Variants in EPS8L2 observed in about 807,000 individuals in gnomAD.
EPS8L2 encodes EPS8 signaling adaptor L2.
Under a neutral mutation model 99.4 loss-of-function variants are expected in EPS8L2, and 81 were observed. The observed-to-expected ratio is 0.82, with a 90% CI of 0.68 to 0.98. The LOEUF (loss-of-function observed/expected upper bound fraction) is 0.98, where lower values mean the gene tolerates loss of function less well. Ranked by LOEUF, EPS8L2 falls within the 50% of genes least tolerant of loss-of-function variation. The pLI, the probability that EPS8L2 is intolerant of heterozygous loss-of-function variation, is 0.00. For synonymous variants in EPS8L2, 509 were observed against 407.3 expected, an observed-to-expected ratio of 1.25 and a Z score of -3.01; for missense variants, 1,155 against 968.8, an observed-to-expected ratio of 1.19 and a Z score of -2.55.
intron 4 of EPS8L2, 21 bp from the exon 5 acceptor site, chr11:720,041 T>G: frequency 6.2e-7 from 1 of 1,604,174 alleles, no homozygotes; most frequent in Non-Finnish European, 8.5e-7. Flanking sequence ...TGCCCAGCAG[T>G]GACCACCTGC....
At position 722,500 on chromosome 11, in the gene EPS8L2, AAGG is replaced by A; in HGVS notation, c.1162_1164del (p.Glu388del). ...CTTCCTGCGCGGCCACCTGGTCCCT[AAGG>A]AGATGTCGCTGTGGGAGTCACTGGG... On this transcript the variant is annotated inframe_deletion, in exon 13 of 21. Transcript: ENST00000318562. The A allele has an allele frequency of 6.2e-7, 1 of 1,613,176 alleles. No homozygotes were observed. Among genetic ancestry groups the A allele is most frequent in the Non-Finnish European group, 8.5e-7 (1 of 1,179,824 alleles).
In EPS8L2 at chr11:726,502, A is replaced by G. The variant is rs1360982638; in HGVS notation, c.1934+18A>G. The G allele has an allele frequency of 1.3e-6, 2 of 1,507,216 alleles. No homozygotes were observed. Among genetic ancestry groups the G allele is most frequent in the East Asian group, 2.6e-5 (1 of 38,608 alleles). The allele number at this position is 1,507,216 out of a possible 1,614,324, so 93.4% of individuals were successfully genotyped here. On this transcript the variant is annotated intron_variant, in intron 19 of 20. Transcript: ENST00000318562. ...AGCCCGCGGTGAGCGGGGGCGGGGGATGAGCTGGGGCCCGGGCGAGGGGTG... is the reference window on the plus strand; with the variant it reads ...AGCCCGCGGTGAGCGGGGGCGGGGGGTGAGCTGGGGCCCGGGCGAGGGGTG...
intron 4 of EPS8L2, among the ~76,000 whole-genome samples, chr11:711,450 A>T (rs1447298337): frequency 1.3e-5 from 2 of 151,724 alleles, no homozygotes; most frequent in African/African-American, 4.8e-5. Context: ...GACTCAAGTG[A>T]TCCCCTCACC....
intron 9 of EPS8L2, 39 bp downstream of exon 9, chr11:721,391 C>G: frequency 6.5e-7 from 1 of 1,535,224 alleles, no homozygotes; most frequent in Non-Finnish European, 8.8e-7. Context: ...CTCTCTTCCC[C>G]GCCCCCAGCA....
chr11:708,060 C>T (rs1043961635), intron 1 of EPS8L2, among the ~76,000 whole-genome samples: 1 of 152,194 alleles, frequency 6.6e-6, no homozygotes. Flanking sequence ...CTAGGCCAGA[C>T]CTGGTCAAAC....
At chr11:710,526 C>A in intron 4 of EPS8L2, 40 bp downstream of exon 4, 1 of 1,560,128 alleles carries the variant, frequency 6.4e-7, no homozygotes, top group Non-Finnish European at 8.8e-7. Flanking sequence ...CCCCAGGGAG[C>A]ACCCTCAGGA....
chr11:712,870 G>C (rs1019623850), intron 4 of EPS8L2, among the ~76,000 whole-genome samples: 3 of 152,244 alleles, frequency 2.0e-5, no homozygotes, highest in Admixed American at 2.0e-4. Flanking sequence ...AAGGCACAGA[G>C]CAGTGGCCGA....
intron 4 of EPS8L2, 55 bp from the exon 5 acceptor site, chr11:720,007 G>T: frequency 6.5e-7 from 1 of 1,541,878 alleles, no homozygotes. Context: ...CCTGGGGGCT[G>T]GGCTTTCGAC....
chr11:706,878 GCCA>G (rs780223849), intron 1 of EPS8L2: 4 of 152,912 alleles, frequency 2.6e-5, no homozygotes, highest in Non-Finnish European at 5.8e-5. Flanking sequence ...CAGAGGCCCT[GCCA>G]GGAGAGGCAG....
At position 721,975 on chromosome 11, in the gene EPS8L2, T is replaced by C. The variant is rs775129163; in HGVS notation, c.968T>C (p.Leu323Pro). Residue 323 changes from leucine (L) to proline (P), a missense_variant, in exon 11 of 21, where the codon CTG (leucine) becomes CCG (proline). Physicochemically the swap from Leu to Pro is moderately conservative, Grantham distance 98 (BLOSUM62 -3). Transcript: ENST00000318562. ...EFIDCFQKIK[L>P]AINLLAKLQK... ...ATCGACTGCTTCCAGAAAATCAAGC[T>C]GGCGATTAACTTGCTGGTGGGTCCG... 1 of 1,605,576 alleles carries C rather than the reference T, an allele frequency of 6.2e-7. No individual in the cohort carries two copies. Among genetic ancestry groups the C allele is most frequent in the South Asian group, 1.1e-5 (1 of 90,054 alleles).
chr11:718,952 G>A (rs1862084918), intron 4 of EPS8L2, among the ~76,000 whole-genome samples: 1 of 148,984 alleles, frequency 6.7e-6, no homozygotes, highest in African/African-American at 2.5e-5. Flanking sequence ...ACAGGCATGA[G>A]CCACTGCGCC....
chr11:717,061 C>G (rs900498960), intron 4 of EPS8L2, among the ~76,000 whole-genome samples: 1 of 152,234 alleles, frequency 6.6e-6, no homozygotes, highest in African/African-American at 2.4e-5. Context: ...ACTGCAATCT[C>G]TACCTTCCGG....
rs369399018 is a variant in EPS8L2 at position 725,243 on chromosome 11, C to T, written c.1560+414C>T. Among the ~76,000 whole-genome samples the T allele has an allele frequency of 2.6e-4, 39 of 152,328 alleles. No individual in the cohort carries two copies. The East Asian group carries it at 3.1e-3, about 12-fold the overall frequency. On this transcript the variant is annotated intron_variant, in intron 16 of 20. Coordinates refer to ENST00000318562, the MANE Select transcript of EPS8L2 (RefSeq NM_022772.4). The stretch of plus-strand genomic sequence containing the variant: ...GGGCCACATCCACAGCCTGGCTCGG[C>T]GGCTCACGCCTGTAACCGCAGCACT...
Position 724,136 on chromosome 11 carries a change from T to C in EPS8L2, c.1455-588T>C, listed in dbSNP as rs1477146487. On this transcript the variant is annotated intron_variant, in intron 15 of 20. Transcript: ENST00000318562. This position sits in a 1 kb window ranked among gnomAD's most constrained non-coding sequence, Gnocchi z 5.5. ...CACCTGGACACGGGAGCTGCCCTGATGACCAGGGCCACACTGACCAGGATG... is the reference window on the plus strand; with the variant it reads ...CACCTGGACACGGGAGCTGCCCTGACGACCAGGGCCACACTGACCAGGATG... Among the ~76,000 whole-genome samples, 1 of 152,176 alleles carries C rather than the reference T, an allele frequency of 6.6e-6. No individual in the cohort carries two copies. The highest frequency in any genetic ancestry group is 1.5e-5 in the Non-Finnish European group (1 of 68,024).
At chr11:723,820 G>T (rs1049074482) in intron 15 of EPS8L2, among the ~76,000 whole-genome samples, 1 of 152,026 alleles carries the variant, frequency 6.6e-6, no homozygotes, top group African/African-American at 2.4e-5. Flanking sequence ...GGCACTAGGG[G>T]AGTCCCGTCT....
At position 722,183 on chromosome 11, in the gene EPS8L2, G is replaced by A; in HGVS notation, c.1059+18G>A. ...TGGACCTGGTGCCTGGGGCCGGGCG[G>A]CAGGGGCGCGCAGGGTGGGGGCCCA... On this transcript the variant is annotated intron_variant, in intron 12 of 20. Coordinates refer to ENST00000318562, the MANE Select transcript of EPS8L2 (RefSeq NM_022772.4). 2 of 1,608,734 alleles carry A rather than the reference G, an allele frequency of 1.2e-6. No homozygotes were observed. The highest frequency in any genetic ancestry group is 1.1e-5 in the South Asian group (1 of 90,690).
At chr11:720,970 G>GGGGAGGAGCCCGGCAGGGA (rs1862147151) in intron 7 of EPS8L2, 61 bp downstream of exon 7, 25 of 1,295,136 alleles carry the variant, frequency 1.9e-5, no homozygotes, top group South Asian at 1.8e-4. Context: ...CGGCAGGGGA[G>GGGGAGGAGCCCGGCAGGGA]GGGAGGAGCC....
chr11:721,769 C>A, intron 10 of EPS8L2, 78 bp downstream of exon 10: 1 of 1,532,448 alleles, frequency 6.5e-7, no homozygotes. Flanking sequence ...GGGGACGGGG[C>A]CAGGGACATC....
chr11:722,846 C>T (rs1192734036), intron 14 of EPS8L2, 41 bp downstream of exon 14: 2 of 1,405,724 alleles, frequency 1.4e-6, no homozygotes, highest in African/African-American at 1.5e-5. Flanking sequence ...CCAGCCCCAA[C>T]ACCCACTCCT....
Sources: allele counts gnomAD v4.1 joint callset (sites outside exome capture counted in the v4.1 genomes callset), GRCh38; gene constraint gnomAD v4.1.1; non-coding constraint Gnocchi (gnomAD v3.1); transcripts MANE v1.5; gene names NCBI Gene and HGNC (gene_info 2026-07-23, HGNC 2026-07-21).